Variants in INPP5B observed in about 807,000 individuals in gnomAD.
INPP5B encodes the protein inositol polyphosphate-5-phosphatase B.
INPP5B carries 90 observed loss-of-function variants against 118.5 expected under a neutral mutation model. The observed-to-expected ratio is 0.76, with a 90% CI of 0.64 to 0.90. INPP5B has a LOEUF of 0.90. Among genes scored for constraint, INPP5B ranks in the 40% least tolerant of loss-of-function variants. The probability of loss-of-function intolerance (pLI) is 0.00; values close to 1 mark genes in which losing one functional copy is unlikely to be tolerated. For missense variants in INPP5B, 984 were observed against 1,125.6 expected, an observed-to-expected ratio of 0.87 and a Z score of 1.80; for synonymous variants, 385 against 418.9, an observed-to-expected ratio of 0.92 and a Z score of 0.99.
chr1:37,875,388 C>T (rs1642727184), intron 17 of INPP5B, among the ~76,000 whole-genome samples: 1 of 152,156 alleles, frequency 6.6e-6, no homozygotes, highest in South Asian at 2.1e-4. Context: ...CCTGTCTCAG[C>T]CTCCCGAGTA....
intron 7 of INPP5B, among the ~76,000 whole-genome samples, chr1:37,922,652 C>T (rs1312203480): frequency 1.3e-5 from 2 of 151,726 alleles, no homozygotes; most frequent in Non-Finnish European, 2.9e-5. Context: ...GCCAAGATCG[C>T]ACCACTGCAG....
At chr1:37,879,951 G>T in intron 15 of INPP5B, 134 bp downstream of exon 15, 1 of 506,498 alleles carries the variant, frequency 2.0e-6, no homozygotes, top group South Asian at 3.1e-5. Context: ...GAGAGAAAAT[G>T]TTTGATCAGA....
chr1:37,900,549 G>A (rs983039289), intron 7 of INPP5B, among the ~76,000 whole-genome samples: 10 of 151,808 alleles, frequency 6.6e-5, no homozygotes, highest in South Asian at 2.1e-4. Context: ...CACTGCGCCC[G>A]GCTGAACTAC....
At chr1:37,887,526 C>T in intron 10 of INPP5B, 61 bp from the exon 11 acceptor site, 2 of 1,011,690 alleles carry the variant, frequency 2.0e-6, no homozygotes, top group South Asian at 1.4e-5. Flanking sequence ...GACACATTCT[C>T]AGATTGGTTT....
intron 7 of INPP5B, among the ~76,000 whole-genome samples, chr1:37,909,992 C>T (rs932134581): frequency 1.3e-5 from 2 of 152,164 alleles, no homozygotes; most frequent in African/African-American, 4.8e-5. Flanking sequence ...TAAGCCGTGT[C>T]CCATCTGTGC....
At chr1:37,941,445 T>A (rs1191457167) in intron 5 of INPP5B, among the ~76,000 whole-genome samples, 2 of 150,632 alleles carry the variant, frequency 1.3e-5, no homozygotes, top group African/African-American at 4.9e-5. Flanking sequence ...GCCAGGAGTT[T>A]GAGACCAGCT....
intron 19 of INPP5B, among the ~76,000 whole-genome samples, chr1:37,872,464 T>C (rs1642519621): frequency 6.6e-6 from 1 of 151,110 alleles, no homozygotes; most frequent in African/African-American, 2.4e-5. Flanking sequence ...ATGGCAGAAG[T>C]GGCCTTGTAT....
At chr1:37,896,410 C>T (rs1471715411) in intron 7 of INPP5B, among the ~76,000 whole-genome samples, 6 of 151,328 alleles carry the variant, frequency 4.0e-5, no homozygotes, top group East Asian at 2.0e-4. Flanking sequence ...CCACCTCGTC[C>T]GGGAGGGAGG....
Position 37,943,806 on chromosome 1 carries a change from C to T in INPP5B, c.240G>A (p.Thr80=), listed in dbSNP as rs181186672. The change falls in exon 4 of 24, where the codon ACG becomes ACA. Residue 80 remains threonine, a synonymous_variant. Transcript: ENST00000373024. ...AGCCCCCTGTGGCACCTTCTTCCAG[C>T]GTAAAATCCCGCGAGACTGGCACTA... The part of the protein sequence containing the change: ...DQIVPVSRDF[T]LEEVSPDGEL... 296 of 1,614,004 alleles carry T rather than the reference C, an allele frequency of 1.8e-4. 2 individuals carry two copies. Among genetic ancestry groups the T allele is most frequent in the Admixed American group, 1.6e-3 (97 of 60,008 alleles).
intron 7 of INPP5B, among the ~76,000 whole-genome samples, chr1:37,894,194 C>A (rs367876285): frequency 6.6e-5 from 10 of 152,298 alleles, no homozygotes; most frequent in African/African-American, 2.2e-4. Context: ...TGTACCAAAG[C>A]AGATGGCAGG....
At chr1:37,917,238 G>A (rs1238610036) in intron 7 of INPP5B, among the ~76,000 whole-genome samples, 7 of 142,352 alleles carry the variant, frequency 4.9e-5, no homozygotes, top group South Asian at 2.4e-4. Flanking sequence ...GCAGTGAGCC[G>A]AGATTGTGCC....
At chr1:37,866,639 A>T in intron 20 of INPP5B, 96 bp from the exon 21 acceptor site, 1 of 764,250 alleles carries the variant, frequency 1.3e-6, no homozygotes, top group East Asian at 2.6e-5. Context: ...TGCAAAAAGG[A>T]GCAGTGTGGT....
intron 6 of INPP5B, among the ~76,000 whole-genome samples, chr1:37,936,934 G>A (rs1281884003): frequency 1.3e-5 from 2 of 152,096 alleles, no homozygotes; most frequent in East Asian, 1.9e-4. Flanking sequence ...CTCAGGCAAC[G>A]CTCTTATCCT....
chr1:37,905,419 A>C (rs989802177), intron 7 of INPP5B, among the ~76,000 whole-genome samples: 6 of 152,182 alleles, frequency 3.9e-5, no homozygotes, highest in Admixed American at 2.6e-4. Flanking sequence ...TAAATAAATA[A>C]ATAAACAAAA....
At chr1:37,884,553 G>A (rs1643400655) in intron 13 of INPP5B, among the ~76,000 whole-genome samples, 1 of 152,048 alleles carries the variant, frequency 6.6e-6, no homozygotes, top group African/African-American at 2.4e-5. Flanking sequence ...AAAATGCTGG[G>A]ATAACAGGCA....
intron 13 of INPP5B, among the ~76,000 whole-genome samples, chr1:37,884,664 A>G (rs1643409041): frequency 6.6e-6 from 1 of 152,088 alleles, no homozygotes; most frequent in African/African-American, 2.4e-5. Flanking sequence ...TACTGAAAAA[A>G]CAAATGGCCG....
chr1:37,924,235 C>A (rs1645148850), intron 7 of INPP5B, among the ~76,000 whole-genome samples: 1 of 151,594 alleles, frequency 6.6e-6, no homozygotes, highest in African/African-American at 2.4e-5. Flanking sequence ...GTGGCGTGAT[C>A]TCGGCTCACT....
Position 37,861,057 on chromosome 1 carries a change from G to A in INPP5B, c.*1258C>T, listed in dbSNP as rs1016135053. 2 of 152,182 alleles carry A rather than the reference G, an allele frequency of 1.3e-5. No homozygotes were observed. The highest frequency in any genetic ancestry group is 4.8e-5 in the African/African-American group (2 of 41,426). 9.4% of individuals were successfully genotyped at this position (152,182 alleles called of 1,614,324 possible). On this transcript the variant is annotated 3_prime_UTR_variant, in exon 24 of 24. Coordinates refer to ENST00000373024, the MANE Select transcript of INPP5B (RefSeq NM_005540.3). ...TTGCCCAGCCTGGTCCCAAACTCCT[G>A]GTCTCAAGTGATGCTCCCACCTCAG...
rs776701033 is a variant in INPP5B at position 37,943,614 on chromosome 1, G to A, written c.280+26C>T. The A allele has an allele frequency of 1.2e-5, 19 of 1,613,310 alleles. No individual in the cohort carries two copies. In the South Asian group the frequency reaches 2.1e-4, roughly 18 times the overall value. ...AAATCAGGCACCCCTGCCCCGAGTG[G>A]GACCCAGACCAAGAGGACCACTCAC... On this transcript the variant is annotated intron_variant, in intron 5 of 23. Transcript: ENST00000373024.
Sources: gnomAD v4.1 joint callset for allele counts (sites outside exome capture counted in the v4.1 genomes callset) on GRCh38, gnomAD v4.1.1 for gene constraint, MANE v1.5 for transcripts, NCBI Gene and HGNC (gene_info 2026-07-23, HGNC 2026-07-21) for gene names.